FBXL17: variants seen among roughly 807,000 people sequenced by gnomAD.
The protein encoded by FBXL17 is F-box/LRR-repeat protein 17.
In FBXL17, 22 loss-of-function variants were observed where a neutral mutation model predicts 66.2. The observed-to-expected ratio is 0.33, with a 90% CI of 0.24 to 0.47. FBXL17 has a LOEUF of 0.47. FBXL17 is among the 20% of genes least tolerant of loss of function. FBXL17 has a pLI of 1.00. For missense variants in FBXL17, 878 were observed against 948.2 expected (o/e 0.93, Z 0.97); for synonymous variants, 474 against 400.5 (o/e 1.18, Z -2.19).
At chr5:108,220,985 A>T (rs1347335625) in intron 5 of FBXL17, among the ~76,000 whole-genome samples, 1 of 152,194 alleles carries the variant, frequency 6.6e-6, no homozygotes, top group Non-Finnish European at 1.5e-5. Flanking sequence ...TCCTAAATAT[A>T]GACCTCTAAG....
intron 7 of FBXL17, among the ~76,000 whole-genome samples, chr5:107,929,433 T>C (rs1750653750): frequency 6.6e-6 from 1 of 152,192 alleles, no homozygotes; most frequent in Middle Eastern, 3.2e-3. Context: ...GAACACATAG[T>C]AAATTATTAT....
chr5:108,347,084 A>C (rs1747328277), intron 4 of FBXL17, among the ~76,000 whole-genome samples: 1 of 152,162 alleles, frequency 6.6e-6, no homozygotes, highest in Non-Finnish European at 1.5e-5. Context: ...TGACAGGAAA[A>C]TGTTATGAGA....
intron 4 of FBXL17, among the ~76,000 whole-genome samples, chr5:108,242,866 GAACT>G (rs1755924686): frequency 1.3e-5 from 2 of 152,020 alleles, no homozygotes; most frequent in South Asian, 2.1e-4. Flanking sequence ...TATGAAAAAG[GAACT>G]AAGAATAGTT....
intron 6 of FBXL17, among the ~76,000 whole-genome samples, chr5:108,119,076 C>T (rs1056084491): frequency 6.6e-6 from 1 of 152,114 alleles, no homozygotes; most frequent in African/African-American, 2.4e-5. Flanking sequence ...TACATAGCTG[C>T]CATACCCACT....
At chr5:108,321,712 T>A (rs1255493499) in intron 4 of FBXL17, among the ~76,000 whole-genome samples, 6 of 149,158 alleles carry the variant, frequency 4.0e-5, no homozygotes, top group East Asian at 1.9e-4. Context: ...TAAATAAATT[T>A]AAAAAAAAAA....
chr5:108,095,654 G>C (rs948151048), intron 6 of FBXL17, among the ~76,000 whole-genome samples: 5 of 151,922 alleles, frequency 3.3e-5, no homozygotes, highest in African/African-American at 1.2e-4. Flanking sequence ...TAATGTGTTA[G>C]GAACCCATTA....
At chr5:107,878,623 T>C in intron 8 of FBXL17, 1 of 985,326 alleles carries the variant, frequency 1.0e-6, no homozygotes, top group Admixed American at 6.1e-5. Context: ...TATCTTCCTT[T>C]GAATCTTGAT....
At chr5:108,127,684 A>G (rs1010076722) in intron 6 of FBXL17, among the ~76,000 whole-genome samples, 1 of 152,226 alleles carries the variant, frequency 6.6e-6, no homozygotes, top group Non-Finnish European at 1.5e-5. Context: ...TTCTGCTTCA[A>G]AAAATCTATA....
chr5:107,953,346 T>C (rs1213866991), intron 7 of FBXL17, among the ~76,000 whole-genome samples: 1 of 132,762 alleles, frequency 7.5e-6, no homozygotes, highest in Non-Finnish European at 1.6e-5. Context: ...GAGCTTGCAG[T>C]GAGCCGAGAT....
intron 7 of FBXL17, among the ~76,000 whole-genome samples, chr5:107,964,994 A>T (rs1752064797): frequency 6.6e-6 from 1 of 152,110 alleles, no homozygotes; most frequent in African/African-American, 2.4e-5. Context: ...CCCAAGCCTG[A>T]CCTGCTATAA....
chr5:107,867,348 G>C (rs1748305676), intron 8 of FBXL17, among the ~76,000 whole-genome samples: 1 of 152,154 alleles, frequency 6.6e-6, no homozygotes. Flanking sequence ...TGGCTGTCAG[G>C]GAGTACTTGG....
chr5:107,980,664 A>ATATATATATATTTTTTTTTTTTTT, intron 7 of FBXL17, among the ~76,000 whole-genome samples: 1 of 62,076 alleles, frequency 1.6e-5, no homozygotes, highest in African/African-American at 1.0e-4. Context: ...ATATATATAT[A>ATATATATATATTTTTTTTTTTTTT]TTTTTTTTTT....
At chr5:107,982,761 G>A (rs1200816033) in intron 7 of FBXL17, among the ~76,000 whole-genome samples, 2 of 152,164 alleles carry the variant, frequency 1.3e-5, no homozygotes, top group Admixed American at 6.5e-5. Context: ...CCCTCTAACA[G>A]GTGATGAATT....
intron 5 of FBXL17, among the ~76,000 whole-genome samples, chr5:108,216,791 G>A (rs1357371066): frequency 6.6e-6 from 1 of 152,064 alleles, no homozygotes; most frequent in Non-Finnish European, 1.5e-5. Flanking sequence ...ACCAATAAGG[G>A]AACTAGCACG....
intron 7 of FBXL17, among the ~76,000 whole-genome samples, chr5:107,943,442 C>A (rs973393827): frequency 6.6e-6 from 1 of 152,120 alleles, no homozygotes; most frequent in Admixed American, 6.6e-5. Context: ...TTACCACTAG[C>A]CCCACACATT....
chr5:108,138,889 G>C (rs186754635), intron 6 of FBXL17, among the ~76,000 whole-genome samples: 3 of 152,284 alleles, frequency 2.0e-5, no homozygotes, highest in Non-Finnish European at 2.9e-5. Flanking sequence ...GAAAATAAAA[G>C]CTTGTGACAA....
intron 2 of FBXL17, among the ~76,000 whole-genome samples, chr5:108,366,427 G>A (rs975431355): frequency 1.1e-4 from 16 of 152,052 alleles, no homozygotes; most frequent in Admixed American, 6.6e-5. Flanking sequence ...TGGAGTAACA[G>A]CCAAAGATAA....
At chr5:108,237,022 A>G (rs989636497) in intron 4 of FBXL17, among the ~76,000 whole-genome samples, 1 of 152,028 alleles carries the variant, frequency 6.6e-6, no homozygotes, top group African/African-American at 2.4e-5. Flanking sequence ...AGTAGGTGGT[A>G]AAAAAAGACA....
At chr5:108,099,541 G>A (rs1358457650) in intron 6 of FBXL17, among the ~76,000 whole-genome samples, 3 of 152,174 alleles carry the variant, frequency 2.0e-5, no homozygotes, top group Non-Finnish European at 4.4e-5. Flanking sequence ...AAGGCAAAGA[G>A]GCTTGGGCTA....
Sources: gnomAD v4.1 joint callset for allele counts (sites outside exome capture counted in the v4.1 genomes callset) on GRCh38, gnomAD v4.1.1 for gene constraint, MANE v1.5 for transcripts, NCBI Gene and HGNC (gene_info 2026-07-23, HGNC 2026-07-21) for gene names.